Variants in PTPRD observed in about 807,000 individuals in gnomAD.
PTPRD encodes the protein protein tyrosine phosphatase receptor type D.
A neutral mutation model predicts 214.5 loss-of-function variants in PTPRD; 34 were observed. The observed-to-expected ratio is 0.16, with a 90% confidence interval of 0.12 to 0.21. The LOEUF is 0.21. PTPRD is among the 10% of genes least tolerant of loss of function. The pLI, the probability that PTPRD is intolerant of heterozygous loss-of-function variation, is 1.00. For missense variants in PTPRD, 2,545 were observed against 2,398.7 expected, an observed-to-expected ratio of 1.06 and a Z score of -1.27; for synonymous variants, 1,128 against 845.7, an observed-to-expected ratio of 1.33 and a Z score of -5.79.
At chr9:8,588,674 C>T (rs147523717) in intron 14 of PTPRD, among the ~76,000 whole-genome samples, 164 of 152,142 alleles carry the variant, frequency 1.1e-3, no homozygotes, top group African/African-American at 3.5e-3. Context: ...TGTGCATACA[C>T]GTACCAAGAT....
intron 43 of PTPRD, among the ~76,000 whole-genome samples, chr9:8,333,301 T>C (rs779178281): frequency 1.8e-4 from 27 of 152,088 alleles, no homozygotes; most frequent in Non-Finnish European, 3.4e-4. Context: ...GTCCTGGGGA[T>C]TTCATTTCTG....
At chr9:10,556,896 T>C (rs369390524) in intron 2 of PTPRD, among the ~76,000 whole-genome samples, 7 of 152,188 alleles carry the variant, frequency 4.6e-5, no homozygotes, top group African/African-American at 1.7e-4. Flanking sequence ...AATGCTAACT[T>C]GGTTAGAAAC....
intron 2 of PTPRD, among the ~76,000 whole-genome samples, chr9:10,585,725 A>C (rs1287394091): frequency 6.6e-6 from 1 of 152,032 alleles, no homozygotes; most frequent in Admixed American, 6.6e-5. Context: ...ACACATACAC[A>C]AACACACCAC....
intron 2 of PTPRD, among the ~76,000 whole-genome samples, chr9:10,398,591 A>G (rs1036660282): frequency 6.6e-5 from 10 of 151,990 alleles, no homozygotes; most frequent in Non-Finnish European, 1.5e-4. Context: ...AGATATAAAT[A>G]CAAATGAAAA....
chr9:8,618,580 C>G lies in PTPRD; in HGVS notation c.352+14737G>C, dbSNP rs182833014. 3.3e-5 allele frequency among the ~76,000 whole-genome samples: 5 copies of G among 152,122 alleles called. No individual in the cohort carries two copies. In the East Asian group the frequency reaches 9.7e-4, roughly 30 times the overall value. On this transcript the variant is annotated intron_variant, in intron 14 of 45. Coordinates refer to ENST00000381196, the MANE Select transcript of PTPRD (RefSeq NM_002839.4). Reference sequence around the variant, plus strand: ...TCTACCAGAGGTTTCAAAGAGAAAGCCATGGAGTCATAAAACACCAAGACA... The same window carrying G: ...TCTACCAGAGGTTTCAAAGAGAAAGGCATGGAGTCATAAAACACCAAGACA...
intron 9 of PTPRD, among the ~76,000 whole-genome samples, chr9:9,333,514 A>G (rs1351384843): frequency 6.9e-6 from 1 of 145,952 alleles, no homozygotes; most frequent in African/African-American, 2.5e-5. Context: ...TTATATATAT[A>G]TATATATATA....
intron 11 of PTPRD, among the ~76,000 whole-genome samples, chr9:8,751,141 G>T (rs1467577694): frequency 6.6e-6 from 1 of 152,088 alleles, no homozygotes; most frequent in African/African-American, 2.4e-5. Context: ...GTTTTCAGCT[G>T]CCCTTCTCTG....
chr9:9,625,687 T>A (rs535615385), intron 7 of PTPRD, among the ~76,000 whole-genome samples: 1 of 152,272 alleles, frequency 6.6e-6, no homozygotes, highest in African/African-American at 2.4e-5. Flanking sequence ...CTTAGGTTAT[T>A]GCAGATGGTA....
intron 2 of PTPRD, among the ~76,000 whole-genome samples, chr9:10,464,726 A>G (rs1160392616): frequency 6.6e-6 from 1 of 152,118 alleles, no homozygotes; most frequent in Non-Finnish European, 1.5e-5. Context: ...AAGTAGAAAA[A>G]AAAACTCATC....
chr9:9,704,357 C>T (rs2097558711), intron 7 of PTPRD, among the ~76,000 whole-genome samples: 1 of 152,030 alleles, frequency 6.6e-6, no homozygotes, highest in Non-Finnish European at 1.5e-5. Flanking sequence ...ATTATATCCA[C>T]TCGACATATT....
At position 8,499,743 on chromosome 9, in the gene PTPRD, G is replaced by A. The variant is rs757978113; in HGVS notation, c.2226C>T (p.Gly742=). The change falls in exon 25 of 46, where the codon GGC becomes GGT. Residue 742 remains glycine (G), a synonymous_variant. Coordinates refer to ENST00000381196, the MANE Select transcript of PTPRD (RefSeq NM_002839.4). ...AATGCACCTGATATCCTCTTATCTG[G>A]CCATGCTGTTTATTGGGCACGGGTG... ...WRSPVPNKQH[G]QIRGYQVHYV... The A allele has an allele frequency of 6.2e-7, 1 of 1,614,014 alleles. No homozygotes were observed. The highest frequency in any genetic ancestry group is 2.2e-5 in the East Asian group (1 of 44,864).
At chr9:10,025,400 AG>A (rs1343107002) in intron 4 of PTPRD, among the ~76,000 whole-genome samples, 2 of 152,218 alleles carry the variant, frequency 1.3e-5, no homozygotes, top group African/African-American at 4.8e-5. Flanking sequence ...CAAGAAATTT[AG>A]AAATTTTATG....
intron 10 of PTPRD, among the ~76,000 whole-genome samples, chr9:9,100,956 T>C (rs1462467616): frequency 1.3e-5 from 2 of 152,168 alleles, no homozygotes; most frequent in African/African-American, 4.8e-5. Context: ...CATATAACTA[T>C]AGATATTTTG....
chr9:9,666,431 A>T, intron 7 of PTPRD, among the ~76,000 whole-genome samples: 1 of 152,082 alleles, frequency 6.6e-6, no homozygotes, highest in South Asian at 2.1e-4. Context: ...AGAATGTTCA[A>T]CTTCTAAGAT....
At chr9:9,809,425 G>T (rs1052459307) in intron 5 of PTPRD, among the ~76,000 whole-genome samples, 1 of 151,624 alleles carries the variant, frequency 6.6e-6, no homozygotes, top group Non-Finnish European at 1.5e-5. Context: ...CCACCACCAC[G>T]CCTGGCTAAT....
chr9:10,099,732 T>TA (rs1354737514), intron 3 of PTPRD, among the ~76,000 whole-genome samples: 8 of 151,690 alleles, frequency 5.3e-5, no homozygotes, highest in Non-Finnish European at 7.4e-5. Context: ...CTGCTTTTTT[T>TA]AGTAATAAAA....
intron 10 of PTPRD, among the ~76,000 whole-genome samples, chr9:9,160,626 C>A (rs2099886313): frequency 6.6e-6 from 1 of 151,992 alleles, no homozygotes; most frequent in Non-Finnish European, 1.5e-5. Context: ...CATGGAGATT[C>A]CTCAAAAAAA....
intron 5 of PTPRD, among the ~76,000 whole-genome samples, chr9:9,869,431 A>C (rs2064868865): frequency 6.6e-6 from 1 of 152,134 alleles, no homozygotes; most frequent in African/African-American, 2.4e-5. Flanking sequence ...ACACCAGCTG[A>C]ATTCACCTAT....
chr9:9,320,403 T>G lies in PTPRD; in HGVS notation c.-203+77046A>C, dbSNP rs185200128. 1.5e-4 allele frequency among the ~76,000 whole-genome samples: 23 copies of G among 152,286 alleles called. No homozygotes were observed. In the East Asian group the frequency reaches 4.5e-3, roughly 29 times the overall value. On this transcript the variant is annotated intron_variant, in intron 9 of 45. Transcript: ENST00000381196. ...ACTTATACACAAAAAGTTAAGCCTA[T>G]TCCTGAAAATCCTCATTTTAGAAAT... is the stretch of plus-strand genomic sequence containing the variant.
Sources: allele counts gnomAD v4.1 joint callset (sites outside exome capture counted in the v4.1 genomes callset), GRCh38; gene constraint gnomAD v4.1.1; transcripts MANE v1.5; gene names NCBI Gene and HGNC (gene_info 2026-07-23, HGNC 2026-07-21).